RAET1G: variants seen among roughly 807,000 people sequenced by gnomAD.
The protein encoded by RAET1G is retinoic acid early transcript 1G.
Under a neutral mutation model 29.5 loss-of-function variants are expected in RAET1G, and 25 were observed. That is an observed-to-expected ratio of 0.85 (90% confidence interval 0.62 to 1.18). The LOEUF is 1.18. Among genes scored for constraint, RAET1G ranks in the 50% most tolerant of loss-of-function variants. RAET1G has a pLI of 0.00. For missense variants in RAET1G, 434 were observed against 423.6 expected (o/e 1.02, Z -0.22); for synonymous variants, 167 against 159.5 (o/e 1.05, Z -0.36).
chr6:149,920,880 A>C (rs1778585463), intron 1 of RAET1G, among the ~76,000 whole-genome samples: 1 of 152,202 alleles, frequency 6.6e-6, no homozygotes, highest in Non-Finnish European at 1.5e-5. Flanking sequence ...AGATAAAACA[A>C]ATGATGGATG....
chr6:149,917,990 C>A (rs1372758038), intron 4 of RAET1G, among the ~76,000 whole-genome samples, 184 bp downstream of exon 4: 1 of 152,186 alleles, frequency 6.6e-6, no homozygotes, highest in Non-Finnish European at 1.5e-5. Context: ...GGTGAGAATC[C>A]ATCAGAACTC....
chr6:149,919,352 T>G (rs373112218), intron 2 of RAET1G, 28 bp from the exon 3 acceptor site: 237 of 1,604,388 alleles, frequency 1.5e-4, no homozygotes, highest in Non-Finnish European at 1.9e-4. Flanking sequence ...AGATCAGCTC[T>G]GGCCTTGACA....
Position 149,923,016 on chromosome 6 carries a change from A to G in RAET1G, c.-6T>C, listed in dbSNP as rs1582803294. On this transcript the variant is annotated 5_prime_UTR_variant, in exon 1 of 5. Coordinates refer to ENST00000367360, the MANE Select transcript of RAET1G (RefSeq NM_001001788.4). ...GGGCTGGCGGCCGCTGCCATTGGGG[A>G]GTTGGATCGCAGGGGACAGCAGAAG... The G allele has an allele frequency of 6.3e-7, 1 of 1,594,430 alleles. No individual in the cohort carries two copies. The highest frequency in any genetic ancestry group is 8.5e-7 in the Non-Finnish European group (1 of 1,170,934).
chr6:149,920,802 G>T (rs1213147827), intron 1 of RAET1G, among the ~76,000 whole-genome samples: 2 of 152,174 alleles, frequency 1.3e-5, no homozygotes, highest in Non-Finnish European at 2.9e-5. Flanking sequence ...GAACAAAGGG[G>T]TCCAAGATCC....
chr6:149,918,890 C>T, intron 3 of RAET1G, 153 bp downstream of exon 3: 1 of 1,220,372 alleles, frequency 8.2e-7, no homozygotes. Context: ...AGAGCACAGG[C>T]ACGCCAGCAC....
intron 4 of RAET1G, among the ~76,000 whole-genome samples, chr6:149,917,970 G>C (rs1268577998): frequency 1.3e-5 from 2 of 152,148 alleles, no homozygotes; most frequent in African/African-American, 4.8e-5. Flanking sequence ...CTTTCCCTCT[G>C]GCCTTTGATG....
chr6:149,922,837 T>G, intron 1 of RAET1G, 89 bp downstream of exon 1: 3 of 922,100 alleles, frequency 3.3e-6, no homozygotes, highest in Non-Finnish European at 4.8e-6. Context: ...GCACGGGTCC[T>G]TCCAGAAGCC....
chr6:149,918,129 C>T (rs1173276871), intron 4 of RAET1G, 45 bp downstream of exon 4: 2 of 1,559,486 alleles, frequency 1.3e-6, no homozygotes, highest in Non-Finnish European at 8.8e-7. Context: ...GTCCTCCCTC[C>T]TCACCCACCT....
chr6:149,918,535 G>T, intron 3 of RAET1G, 151 bp from the exon 4 acceptor site: 1 of 936,830 alleles, frequency 1.1e-6, no homozygotes, highest in Non-Finnish European at 1.7e-6. Flanking sequence ...CCTGGGGTAG[G>T]AAGGGAGAGG....
At chr6:149,920,518 G>A (rs1347198126) in intron 1 of RAET1G, among the ~76,000 whole-genome samples, 1 of 152,148 alleles carries the variant, frequency 6.6e-6, no homozygotes, top group African/African-American at 2.4e-5. Context: ...GAGGACTCCT[G>A]TTTACCTGGC....
At position 149,919,251 on chromosome 6, in the gene RAET1G, G is replaced by A. The variant is rs1425235010; in HGVS notation, c.423C>T (p.Leu141=). The change falls in exon 3 of 5, where the codon CTC becomes CTT. Residue 141 remains leucine (L), a synonymous_variant. Transcript: ENST00000367360. ...GGAGGAAGATCTGTCCATCGAAACT[G>A]AGCTGCCAAGATCCACTGCCGTGTC... ...AEGHGSGSWQ[L]SFDGQIFLLF... is the part of the protein sequence containing the mutation. The A allele has an allele frequency of 3.2e-5, 51 of 1,614,094 alleles. No homozygotes were observed. Among genetic ancestry groups the A allele is most frequent in the Non-Finnish European group, 4.1e-5 (48 of 1,180,044 alleles).
chr6:149,918,449 A>G, intron 3 of RAET1G, 65 bp from the exon 4 acceptor site: 1 of 1,541,852 alleles, frequency 6.5e-7, no homozygotes, highest in Non-Finnish European at 9.0e-7. Flanking sequence ...ATGCCTCCTC[A>G]GCTCCTGCTG....
rs781278075 is a variant in RAET1G, at chr6:149,922,957, C to T, written c.54G>A (p.Leu18=). The T allele has an allele frequency of 1.0e-5, 16 of 1,604,620 alleles. No homozygotes were observed. The highest frequency in any genetic ancestry group is 1.3e-5 in the Non-Finnish European group (15 of 1,176,466). The change falls in exon 1 of 5, where the codon CTG becomes CTA. Residue 18 remains leucine, a synonymous_variant. Transcript: ENST00000367360. ...GCCCGGTCCTGCACCAGCTGGACAG[C>T]AGGAGCAGAAGCGGGAGGCGTAGAA... ...AFLLRLPLLL[L]LSSWCRTGLA... is the part of the protein sequence containing the mutation.
At chr6:149,918,661 A>G in intron 3 of RAET1G, 1 of 579,600 alleles carries the variant, frequency 1.7e-6, no homozygotes, top group Admixed American at 3.0e-5. Context: ...GCGGGAGGGG[A>G]GGGTCACGAG....
chr6:149,916,928 T>G lies in RAET1G; in HGVS notation c.989A>C (p.Gln330Pro). 2 of 1,543,492 alleles carry G rather than the reference T, an allele frequency of 1.3e-6. No individual in the cohort carries two copies. Among genetic ancestry groups the G allele is most frequent in the Non-Finnish European group, 1.7e-6 (2 of 1,143,014 alleles). ...NGAARYSEPL[Q>P]VSIS is the part of the protein sequence containing the mutation. Reference sequence around the variant, plus strand: ...AGGGAACCATCAAGATATGGAGACCTGTAGTGGCTCCGAATACCTGGCTGC... The same window carrying G: ...AGGGAACCATCAAGATATGGAGACCGGTAGTGGCTCCGAATACCTGGCTGC... Residue 330 changes from glutamine (Q) to proline (P), a missense_variant, in exon 5 of 5, where the codon CAG becomes CCG. By Grantham distance (76) the Gln-to-Pro change is moderately conservative. Coordinates refer to ENST00000367360, the MANE Select transcript of RAET1G (RefSeq NM_001001788.4).
intron 1 of RAET1G, among the ~76,000 whole-genome samples, chr6:149,922,639 G>A (rs1778620996): frequency 6.6e-6 from 1 of 152,110 alleles, no homozygotes; most frequent in Non-Finnish European, 1.5e-5. Flanking sequence ...GGGACTGCCG[G>A]GCTGCACTAG....
Position 149,922,987 on chromosome 6 carries a change from C to A in RAET1G, c.24G>T (p.Ala8=). The change falls in exon 1 of 5, where the codon GCG becomes GCT. Residue 8 remains alanine, a synonymous_variant. Transcript: ENST00000367360. ...GCAGAAGCGGGAGGCGTAGAAGGAA[C>A]GCGGGGCTGGCGGCCGCTGCCATTG... The part of the protein sequence containing the change: MAAAASP[A]FLLRLPLLLL... 2 of 1,604,920 alleles carry A rather than the reference C, an allele frequency of 1.2e-6. No homozygotes were observed. The highest frequency in any genetic ancestry group is 2.3e-5 in the South Asian group (2 of 88,856).
chr6:149,922,804 CG>C lies in RAET1G; in HGVS notation c.85+121del. The C allele has an allele frequency of 4.7e-6, 3 of 640,392 alleles. 1 individual carries two copies. In the South Asian group the frequency reaches 6.3e-5, roughly 13 times the overall value. The allele number at this position is 640,392 out of a possible 1,614,324, so 39.7% of individuals were successfully genotyped here. A position where few individuals can be genotyped will look rare whatever the true frequency, so the allele number is the denominator to read the frequency against. The stretch of plus-strand genomic sequence containing the variant: ...GAAGGAGACGCGGAGGGAAACTGAG[CG>C]GGGGCGCAGTCCGGGGTGATCGCAC... On this transcript the variant is annotated intron_variant, in intron 1 of 4. Transcript: ENST00000367360.
rs2114641141 is a variant in RAET1G at position 149,916,931 on chromosome 6, AG to A, written c.985del (p.Leu329TyrfsTer?). ...NNGAARYSEP[L>X]QVSIS Reference sequence around the variant, plus strand: ...GAACCATCAAGATATGGAGACCTGTAGTGGCTCCGAATACCTGGCTGCGCCG... The same window carrying A: ...GAACCATCAAGATATGGAGACCTGTATGGCTCCGAATACCTGGCTGCGCCG... On this transcript the variant is annotated frameshift_variant, in exon 5 of 5. Transcript: ENST00000367360. LOFTEE classifies it high-confidence loss of function. The A allele has an allele frequency of 6.5e-7, 1 of 1,544,506 alleles. No homozygotes were observed. Among genetic ancestry groups the A allele is most frequent in the East Asian group, 2.5e-5 (1 of 40,722 alleles).
Sources: gnomAD v4.1 joint callset for allele counts (sites outside exome capture counted in the v4.1 genomes callset) on GRCh38, gnomAD v4.1.1 for gene constraint, MANE v1.5 for transcripts, NCBI Gene and HGNC (gene_info 2026-07-23, HGNC 2026-07-21) for gene names.